MACROD2: variants seen among roughly 807,000 people sequenced by gnomAD.
The protein encoded by MACROD2 is ADP-ribose glycohydrolase MACROD2.
In MACROD2, 36 loss-of-function variants were observed where a neutral mutation model predicts 70.4. That is an observed-to-expected ratio of 0.51 (90% CI 0.39 to 0.68). The LOEUF is 0.68. Ranked by LOEUF, MACROD2 falls within the 30% of genes least tolerant of loss-of-function variation. The probability of loss-of-function intolerance (pLI) is 0.00; values close to 1 mark genes in which losing one functional copy is unlikely to be tolerated. For missense variants in MACROD2, 496 were observed against 538.4 expected (o/e 0.92, Z 0.78); for synonymous variants, 172 against 178.8 (o/e 0.96, Z 0.30).
chr20:15,944,863 T>C (rs1374020182), intron 12 of MACROD2, among the ~76,000 whole-genome samples: 1 of 152,200 alleles, frequency 6.6e-6, no homozygotes, highest in African/African-American at 2.4e-5. Context: ...TGCATCTCTT[T>C]CTGAATATAT....
intron 5 of MACROD2, among the ~76,000 whole-genome samples, chr20:14,978,911 T>TC (rs1568909392): frequency 3.7e-5 from 5 of 134,990 alleles, no homozygotes; most frequent in East Asian, 2.0e-4. Flanking sequence ...ATATATTATA[T>TC]ATAATATATA....
chr20:15,685,651 C>T (rs1452697336), intron 8 of MACROD2, among the ~76,000 whole-genome samples: 1 of 152,102 alleles, frequency 6.6e-6, no homozygotes, highest in Non-Finnish European at 1.5e-5. Context: ...TCTAGTAAAC[C>T]ATGACCTTCT....
chr20:14,480,537 A>T (rs987100389), intron 3 of MACROD2, among the ~76,000 whole-genome samples: 2 of 152,136 alleles, frequency 1.3e-5, no homozygotes, highest in East Asian at 3.9e-4. Flanking sequence ...ATCCTGAGAG[A>T]TTTGTTAAAT....
intron 5 of MACROD2, among the ~76,000 whole-genome samples, chr20:15,202,880 C>G (rs182833724): frequency 1.3e-5 from 2 of 152,176 alleles, no homozygotes; most frequent in East Asian, 1.9e-4. Context: ...TTTAGCTTTT[C>G]CAGAAGCTCT....
At chr20:14,548,034 A>G (rs998271521) in intron 4 of MACROD2, among the ~76,000 whole-genome samples, 2 of 152,198 alleles carry the variant, frequency 1.3e-5, no homozygotes, top group African/African-American at 4.8e-5. Context: ...AGGCCAACTC[A>G]GAATTAAAGT....
At chr20:14,446,486 T>C (rs2084184172) in intron 3 of MACROD2, among the ~76,000 whole-genome samples, 1 of 152,072 alleles carries the variant, frequency 6.6e-6, no homozygotes, top group African/African-American at 2.4e-5. Context: ...CCTTATTATA[T>C]TGCTTCTTGA....
At chr20:15,399,741 C>T (rs906495399) in intron 6 of MACROD2, among the ~76,000 whole-genome samples, 1 of 152,170 alleles carries the variant, frequency 6.6e-6, no homozygotes, top group Non-Finnish European at 1.5e-5. Flanking sequence ...CAGATTTAGG[C>T]CTTGTTGTGA....
At chr20:16,026,649 G>A (rs2067084779) in intron 15 of MACROD2, among the ~76,000 whole-genome samples, 1 of 152,200 alleles carries the variant, frequency 6.6e-6, no homozygotes. Flanking sequence ...GCCTGGAGAA[G>A]TCATGCCACT....
rs71192307 is a variant in MACROD2 at position 15,948,382 on chromosome 20, C to CAAAAAAAAAAAAAAAAAAAAAA, written c.907+10847_907+10868dup. 1.4e-3 allele frequency among the ~76,000 whole-genome samples: 62 copies of CAAAAAAAAAAAAAAAAAAAAAA among 43,160 alleles called. 2 individuals carry two copies. Among genetic ancestry groups the CAAAAAAAAAAAAAAAAAAAAAA allele is most frequent in the East Asian group, 2.6e-3 (4 of 1,566 alleles). The allele number at this position is 43,160 out of a possible 152,430, so 28.3% of individuals were successfully genotyped here. ...TTCACTCTATTAAATCTTGCAACTG[C>CAAAAAAAAAAAAAAAAAAAAAA]AAAAAAAAAAAAAAAAAAAAAAAAA... On this transcript the variant is annotated intron_variant, in intron 12 of 17. Transcript: ENST00000684519.
At chr20:15,058,467 A>G (rs1001416047) in intron 5 of MACROD2, among the ~76,000 whole-genome samples, 1 of 152,210 alleles carries the variant, frequency 6.6e-6, no homozygotes, top group African/African-American at 2.4e-5. Flanking sequence ...GCATAAGTAC[A>G]TCCCAAATAA....
rs551552535 is a variant in MACROD2, at chr20:15,204,075, T to C, written c.419-25865T>C. On this transcript the variant is annotated intron_variant, in intron 5 of 17. Transcript: ENST00000684519. The stretch of plus-strand genomic sequence containing the variant: ...ATGCACTTATAACTCCCTTCCCCAA[T>C]AATAGGTTTTACTTTATTAATCATA... 6.8e-4 allele frequency among the ~76,000 whole-genome samples: 103 copies of C among 152,222 alleles called. No individual in the cohort carries two copies. The Middle Eastern group carries it at 0.01, about 15-fold the overall frequency.
intron 3 of MACROD2, among the ~76,000 whole-genome samples, chr20:14,348,885 T>C (rs1212547644): frequency 6.6e-6 from 1 of 151,966 alleles, no homozygotes; most frequent in Non-Finnish European, 1.5e-5. Context: ...TTGGGCAACA[T>C]GATGAAGTCC....
chr20:14,794,182 C>T (rs992134905), intron 5 of MACROD2, among the ~76,000 whole-genome samples: 1 of 152,106 alleles, frequency 6.6e-6, no homozygotes, highest in Non-Finnish European at 1.5e-5. Flanking sequence ...ATTTCGTCTA[C>T]TATGATATGT....
At chr20:14,100,274 C>T (rs145136631) in intron 3 of MACROD2, among the ~76,000 whole-genome samples, 2,032 of 151,786 alleles carry the variant, frequency 0.013, 27 homozygotes, top group Non-Finnish European at 0.018. Flanking sequence ...TGAAATATTC[C>T]ATAAAGCCTG....
chr20:15,522,403 G>T (rs2047665127), intron 8 of MACROD2, among the ~76,000 whole-genome samples: 1 of 152,200 alleles, frequency 6.6e-6, no homozygotes, highest in African/African-American at 2.4e-5. Context: ...AATGTTAGCT[G>T]ATACTAAATC....
At chr20:14,179,088 T>C (rs2081287043) in intron 3 of MACROD2, among the ~76,000 whole-genome samples, 1 of 152,154 alleles carries the variant, frequency 6.6e-6, no homozygotes, top group Non-Finnish European at 1.5e-5. Context: ...AAGGAATTGA[T>C]AGTGACTATC....
At chr20:15,774,817 AT>A in intron 8 of MACROD2, among the ~76,000 whole-genome samples, 1 of 151,818 alleles carries the variant, frequency 6.6e-6, no homozygotes, top group East Asian at 1.9e-4. Context: ...GAAAAAAAAA[AT>A]GTGTTAATGA....
At chr20:14,898,699 CCA>C (rs1397976667) in intron 5 of MACROD2, among the ~76,000 whole-genome samples, 1 of 152,180 alleles carries the variant, frequency 6.6e-6, no homozygotes, top group Non-Finnish European at 1.5e-5. Context: ...TATCCTACTG[CCA>C]CAGATAATGT....
chr20:14,039,818 T>A (rs1031903721), intron 2 of MACROD2, among the ~76,000 whole-genome samples: 1 of 150,776 alleles, frequency 6.6e-6, no homozygotes, highest in Non-Finnish European at 1.5e-5. Context: ...TTTTTTTTTT[T>A]ATTAAGTATG....
Sources: gnomAD v4.1 joint callset for allele counts (sites outside exome capture counted in the v4.1 genomes callset) on GRCh38, gnomAD v4.1.1 for gene constraint, MANE v1.5 for transcripts, NCBI Gene and HGNC (gene_info 2026-07-23, HGNC 2026-07-21) for gene names.